CNPY1: variants seen among roughly 807,000 people sequenced by gnomAD.
The protein encoded by CNPY1 is canopy FGF signaling regulator 1, also known as protein canopy homolog 1.
Under a neutral mutation model 14.4 loss-of-function variants are expected in CNPY1, and 14 were observed. The ratio of observed to expected loss-of-function variants is 0.97; its 90% CI spans 0.64 to 1.52. The LOEUF is 1.52. Among genes scored for constraint, CNPY1 ranks in the 40% most tolerant of loss-of-function variants. The probability of loss-of-function intolerance (pLI) is 0.00; values close to 1 mark genes in which losing one functional copy is unlikely to be tolerated. For synonymous variants in CNPY1, 43 were observed against 46.5 expected (o/e 0.92, Z 0.31); for missense variants, 129 against 131.5 (o/e 0.98, Z 0.09).
intron 3 of CNPY1, among the ~76,000 whole-genome samples, chr7:155,508,519 C>T (rs1256566026): frequency 2.0e-5 from 3 of 152,200 alleles, no homozygotes; most frequent in African/African-American, 7.2e-5. Flanking sequence ...CTGTGAGAGA[C>T]CTTCCTTGCA....
At position 155,501,174 on chromosome 7, in the gene CNPY1, A is replaced by T. The variant is rs566599258; in HGVS notation, c.*1894T>A. On this transcript the variant is annotated 3_prime_UTR_variant, in exon 5 of 5. Coordinates refer to ENST00000636446, the MANE Select transcript of CNPY1 (RefSeq NM_001393663.1). ...TTTTAATGGGAAATCCAAGAAAAAA[A>T]CCTGAAATGCCATATTTATCACAAC... The T allele has an allele frequency of 6.6e-6, 1 of 152,176 alleles. No individual in the cohort carries two copies. The highest frequency in any genetic ancestry group is 1.5e-5 in the Non-Finnish European group (1 of 68,022). 9.4% of individuals were successfully genotyped at this position (152,176 alleles called of 1,614,324 possible).
intron 2 of CNPY1, among the ~76,000 whole-genome samples, chr7:155,534,323 ACACACACGTGCACAGAGGCACACATG>A (rs71186050): frequency 0.28 from 42,853 of 151,868 alleles, 6,286 homozygotes; most frequent in South Asian, 0.34. Context: ...ACACACATGC[ACACACACGTGCACAGAGGCACACATG>A]CACACACGTG....
intron 2 of CNPY1, among the ~76,000 whole-genome samples, chr7:155,542,404 G>A (rs1231965219): frequency 6.6e-6 from 1 of 152,176 alleles, no homozygotes; most frequent in African/African-American, 2.4e-5. Flanking sequence ...AGGAAGGAAG[G>A]TCCTGGGTGT....
chr7:155,536,273 G>A lies in CNPY1; in HGVS notation c.99+9558C>T, dbSNP rs985895865. On this transcript the variant is annotated intron_variant, in intron 2 of 4. Coordinates refer to ENST00000636446, the MANE Select transcript of CNPY1 (RefSeq NM_001393663.1). This position sits in a 1 kb window ranked among gnomAD's most constrained non-coding sequence, Gnocchi z 4.1. Reference sequence around the variant, plus strand: ...ACTGATCACCCACTGCAGCAGACAGGTCCTGGGCGGGGCTGGTTATTTCTG... The same window carrying A: ...ACTGATCACCCACTGCAGCAGACAGATCCTGGGCGGGGCTGGTTATTTCTG... 6.6e-6 allele frequency among the ~76,000 whole-genome samples: 1 copy of A among 152,180 alleles called. No homozygotes were observed. The highest frequency in any genetic ancestry group is 2.4e-5 in the African/African-American group (1 of 41,424).
chr7:155,531,410 A>C (rs929071879), intron 2 of CNPY1, among the ~76,000 whole-genome samples: 5 of 152,230 alleles, frequency 3.3e-5, no homozygotes, highest in Admixed American at 6.5e-5. Flanking sequence ...TAGGCTAGCC[A>C]CGACATTTAA....
intron 4 of CNPY1, among the ~76,000 whole-genome samples, chr7:155,505,772 T>C (rs1412922325): frequency 2.0e-5 from 3 of 152,246 alleles, no homozygotes; most frequent in Admixed American, 6.5e-5. Flanking sequence ...TGAAACACTT[T>C]AAAAACATTT....
At chr7:155,509,595 G>A (rs1262223334) in intron 2 of CNPY1, among the ~76,000 whole-genome samples, 2 of 152,170 alleles carry the variant, frequency 1.3e-5, no homozygotes, top group Non-Finnish European at 2.9e-5. Context: ...CTTAGTCGGG[G>A]AGAAGTTGGG....
At chr7:155,504,533 C>A (rs1796229318) in intron 4 of CNPY1, among the ~76,000 whole-genome samples, 1 of 152,088 alleles carries the variant, frequency 6.6e-6, no homozygotes, top group East Asian at 1.9e-4. Flanking sequence ...TAGAAAGGAA[C>A]TAAAGTTTCA....
At chr7:155,506,011 G>A (rs1211280650) in intron 4 of CNPY1, among the ~76,000 whole-genome samples, 3 of 152,134 alleles carry the variant, frequency 2.0e-5, no homozygotes, top group African/African-American at 4.8e-5. Context: ...AACTTTACCT[G>A]TTCTGTTAAT....
chr7:155,539,439 G>A (rs189036099), intron 2 of CNPY1, among the ~76,000 whole-genome samples: 7 of 152,286 alleles, frequency 4.6e-5, no homozygotes, highest in Admixed American at 4.6e-4. Flanking sequence ...TAGCGAGTAG[G>A]AAAATTGCTG....
intron 2 of CNPY1, among the ~76,000 whole-genome samples, chr7:155,530,480 C>T: frequency 6.6e-6 from 1 of 152,026 alleles, no homozygotes; most frequent in East Asian, 1.9e-4. Flanking sequence ...ATGTGTACCA[C>T]CATGCCCAGC....
intron 2 of CNPY1, among the ~76,000 whole-genome samples, chr7:155,526,796 G>A (rs1796826614): frequency 6.6e-6 from 1 of 152,188 alleles, no homozygotes; most frequent in African/African-American, 2.4e-5. Context: ...GCAGCCTGCA[G>A]AGAAGCAGTC....
At chr7:155,528,936 C>A (rs1314050263) in intron 2 of CNPY1, among the ~76,000 whole-genome samples, 1 of 152,106 alleles carries the variant, frequency 6.6e-6, no homozygotes, top group Admixed American at 6.5e-5. Context: ...TGGCAGGCGC[C>A]TGTGGTCCCA....
intron 4 of CNPY1, among the ~76,000 whole-genome samples, chr7:155,503,746 G>A (rs1284626920): frequency 2.0e-5 from 3 of 152,178 alleles, no homozygotes; most frequent in Non-Finnish European, 4.4e-5. Flanking sequence ...AAATTGTGAT[G>A]TGGCAAATTC....
At chr7:155,541,200 G>A (rs889940527) in intron 2 of CNPY1, among the ~76,000 whole-genome samples, 4 of 152,288 alleles carry the variant, frequency 2.6e-5, no homozygotes, top group East Asian at 1.9e-4. Flanking sequence ...GAGCCTCCCC[G>A]TTCCCGCTGT....
At chr7:155,531,746 G>C (rs1796940825) in intron 2 of CNPY1, among the ~76,000 whole-genome samples, 1 of 152,218 alleles carries the variant, frequency 6.6e-6, no homozygotes, top group Non-Finnish European at 1.5e-5. Context: ...AGCAAACAGG[G>C]AATCCCAGCA....
rs150616745 is a variant in CNPY1 at position 155,519,279 on chromosome 7, A to G, written c.100-10182T>C. 2.2e-3 allele frequency among the ~76,000 whole-genome samples: 342 copies of G among 152,240 alleles called. 2 individuals carry two copies. Among genetic ancestry groups the G allele is most frequent in the African/African-American group, 7.7e-3 (320 of 41,548 alleles). On this transcript the variant is annotated intron_variant, in intron 2 of 4. Transcript: ENST00000636446. Reference sequence around the variant, plus strand: ...TGGCTCGTGCCTGTAATCCTGCACTAGAGAGGCCAAGACAGGAGGATCCTT... The same window carrying G: ...TGGCTCGTGCCTGTAATCCTGCACTGGAGAGGCCAAGACAGGAGGATCCTT...
At chr7:155,540,546 C>T (rs979666277) in intron 2 of CNPY1, among the ~76,000 whole-genome samples, 1 of 152,198 alleles carries the variant, frequency 6.6e-6, no homozygotes, top group Non-Finnish European at 1.5e-5. Context: ...CGGATATTGG[C>T]CTCGTCCTCA....
intron 2 of CNPY1, among the ~76,000 whole-genome samples, chr7:155,513,134 C>T (rs887550280): frequency 3.9e-5 from 6 of 152,172 alleles, no homozygotes; most frequent in African/African-American, 1.4e-4. Flanking sequence ...TGTTGTATGA[C>T]ACTTCTTCAT....
Sources: allele counts gnomAD v4.1 joint callset (sites outside exome capture counted in the v4.1 genomes callset), GRCh38; gene constraint gnomAD v4.1.1; non-coding constraint Gnocchi (gnomAD v3.1); transcripts MANE v1.5; gene names NCBI Gene and HGNC (gene_info 2026-07-23, HGNC 2026-07-21).